Variants in KCNQ1 observed in about 807,000 individuals in gnomAD.
The protein encoded by KCNQ1 is potassium voltage-gated channel subfamily Q member 1, also known as potassium voltage-gated channel subfamily KQT member 1.
KCNQ1 carries 49 observed loss-of-function variants against 72.4 expected under a neutral mutation model. That is an observed-to-expected ratio of 0.68 (90% CI 0.54 to 0.86). KCNQ1 has a LOEUF of 0.86. Ranked by LOEUF, KCNQ1 falls within the 40% of genes least tolerant of loss-of-function variation. The probability of loss-of-function intolerance (pLI) is 0.00; values close to 1 mark genes in which losing one functional copy is unlikely to be tolerated. For missense variants in KCNQ1, 790 were observed against 945.1 expected (o/e 0.84, Z 2.15); for synonymous variants, 450 against 412.6 (o/e 1.09, Z -1.10).
chr11:2,542,799 T>C (rs1847849933), intron 2 of KCNQ1, among the ~76,000 whole-genome samples: 2 of 152,236 alleles, frequency 1.3e-5, no homozygotes, highest in Admixed American at 1.3e-4. Context: ...CTGAGCCGTA[T>C]CCCATTGTAC....
rs755571253 is a variant in KCNQ1 at position 2,603,837 on chromosome 11, C to T, written c.1393+14983C>T. On this transcript the variant is annotated intron_variant, in intron 10 of 15. Coordinates refer to ENST00000155840, the MANE Select transcript of KCNQ1 (RefSeq NM_000218.3). The surrounding 1 kb of genome is among the most constrained non-coding windows in gnomAD (Gnocchi z 4.1). The stretch of plus-strand genomic sequence containing the variant: ...TCCCAAGTAGGTGGGATTACGGGCA[C>T]GCACCACCAAGCCCGGCTAATTTTT... Among the ~76,000 whole-genome samples, 4 of 151,942 alleles carry T rather than the reference C, an allele frequency of 2.6e-5. No homozygotes were observed. Among genetic ancestry groups the T allele is most frequent in the Middle Eastern group, 3.2e-3 (1 of 316 alleles).
Position 2,828,010 on chromosome 11 carries a change from G to A in KCNQ1, c.1795-19757G>A, listed in dbSNP as rs1847874370. On this transcript the variant is annotated intron_variant, in intron 15 of 15. Transcript: ENST00000155840. The surrounding 1 kb of genome is among the most constrained non-coding windows in gnomAD (Gnocchi z 5.3). ...ATAGAGGTCTTGAAAGCTCGAATGT[G>A]GGGAGGCCAGCAACAGAGGGAACAC... Among the ~76,000 whole-genome samples the A allele has an allele frequency of 1.3e-5, 2 of 152,200 alleles. No homozygotes were observed. Among genetic ancestry groups the A allele is most frequent in the Non-Finnish European group, 2.9e-5 (2 of 68,034 alleles).
At position 2,669,474 on chromosome 11, in the gene KCNQ1, T is replaced by C. The variant is rs1850143390; in HGVS notation, c.1514+7393T>C. On this transcript the variant is annotated intron_variant, in intron 11 of 15. Transcript: ENST00000155840. This position sits in a 1 kb window ranked among gnomAD's most constrained non-coding sequence, Gnocchi z 5.6. ...CCTGTAGTTTTCAGTGTGGTGGTCATGAACAGCTTGTCAGATTCATTCCTT... is the reference window on the plus strand; with the variant it reads ...CCTGTAGTTTTCAGTGTGGTGGTCACGAACAGCTTGTCAGATTCATTCCTT... The C allele has an allele frequency of 7.5e-6, 3 of 398,548 alleles. No individual in the cohort carries two copies. The highest frequency in any genetic ancestry group is 1.3e-4 in the South Asian group (1 of 7,866). 24.7% of individuals were successfully genotyped at this position (398,548 alleles called of 1,614,324 possible). A position where few individuals can be genotyped will look rare whatever the true frequency, so the allele number is the denominator to read the frequency against.
intron 6 of KCNQ1, among the ~76,000 whole-genome samples, chr11:2,576,089 G>A (rs1848419369): frequency 6.6e-6 from 1 of 152,232 alleles, no homozygotes; most frequent in Non-Finnish European, 1.5e-5. Context: ...AGCTCATCTT[G>A]ATTGAATCTT....
rs1224556626 is a variant in KCNQ1 at position 2,803,388 on chromosome 11, G to GGT, written c.1794+25358_1794+25359dup. On this transcript the variant is annotated intron_variant, in intron 15 of 15. Coordinates refer to ENST00000155840, the MANE Select transcript of KCNQ1 (RefSeq NM_000218.3). The surrounding 1 kb of genome is among the most constrained non-coding windows in gnomAD (Gnocchi z 6.4). Reference sequence around the variant, plus strand: ...TTGGAGGATGTGGCAGAGTTCCCATGGTGTGTGTAGAATGATATTCCCTCC... The same window carrying GGT: ...TTGGAGGATGTGGCAGAGTTCCCATGGTGTGTGTGTAGAATGATATTCCCTCC... 6.6e-6 allele frequency among the ~76,000 whole-genome samples: 1 copy of GGT among 152,208 alleles called. No homozygotes were observed. The highest frequency in any genetic ancestry group is 2.4e-5 in the African/African-American group (1 of 41,470).
chr11:2,798,818 T>A (rs1048096265), intron 15 of KCNQ1, among the ~76,000 whole-genome samples: 1 of 152,196 alleles, frequency 6.6e-6, no homozygotes, highest in Non-Finnish European at 1.5e-5. Flanking sequence ...GGTCGCGTTG[T>A]TTGAACTCTC....
At chr11:2,747,785 G>A (rs1455168809) in intron 11 of KCNQ1, among the ~76,000 whole-genome samples, 2 of 152,114 alleles carry the variant, frequency 1.3e-5, no homozygotes, top group African/African-American at 2.4e-5. Flanking sequence ...ATGGGGGCAG[G>A]TTCCAGAGAT....
rs16928731 is a variant in KCNQ1, at chr11:2,838,035, G to A, written c.1795-9732G>A. Among the ~76,000 whole-genome samples, 65 of 152,382 alleles carry A rather than the reference G, an allele frequency of 4.3e-4. 1 individual carries two copies. In the South Asian group the frequency reaches 0.011, roughly 26 times the overall value. On this transcript the variant is annotated intron_variant, in intron 15 of 15. Transcript: ENST00000155840. ...TGTCTTAGAGAAAAATGGTGGCAACGTGGGACAGACTGAGGAAGCCAGCCC... is the reference window on the plus strand; with the variant it reads ...TGTCTTAGAGAAAAATGGTGGCAACATGGGACAGACTGAGGAAGCCAGCCC...
At chr11:2,514,766 C>G (rs1847262024) in intron 1 of KCNQ1, among the ~76,000 whole-genome samples, 2 of 152,208 alleles carry the variant, frequency 1.3e-5, no homozygotes, top group Non-Finnish European at 2.9e-5. Context: ...GCAGAGCTTG[C>G]AGTGAGCCGA....
rs1849884410 is a variant in KCNQ1 at position 2,658,110 on chromosome 11, C to A, written c.1394-3851C>A. 2 of 398,016 alleles carry A rather than the reference C, an allele frequency of 5.0e-6. No individual in the cohort carries two copies. The highest frequency in any genetic ancestry group is 2.1e-5 in the African/African-American group (1 of 48,490). The allele number at this position is 398,016 out of a possible 1,614,324, so 24.7% of individuals were successfully genotyped here. On this transcript the variant is annotated intron_variant, in intron 10 of 15. Coordinates refer to ENST00000155840, the MANE Select transcript of KCNQ1 (RefSeq NM_000218.3). The surrounding 1 kb of genome is among the most constrained non-coding windows in gnomAD (Gnocchi z 4.9). ...AACTCTACCTCCTGCAGGAGAGTAT[C>A]AAAAAAAATCTGCAAATATGTTAAA...
In KCNQ1 at chr11:2,449,424, G is replaced by A. The variant is rs185869512; in HGVS notation, c.386+3940G>A. ...GAGGGGCTTTGCGGGGACACTCCTG[G>A]GTACCGATGGGATGAACTTCCGCTG... On this transcript the variant is annotated intron_variant, in intron 1 of 15. Coordinates refer to ENST00000155840, the MANE Select transcript of KCNQ1 (RefSeq NM_000218.3). Among the ~76,000 whole-genome samples the A allele has an allele frequency of 5.0e-4, 76 of 152,342 alleles. 1 individual carries two copies. The highest frequency in any genetic ancestry group is 1.7e-3 in the African/African-American group (72 of 41,582).
Position 2,735,608 on chromosome 11 carries a change from G to T in KCNQ1, c.1515-33236G>T, listed in dbSNP as rs1205226263. ...ACTTGAGGAGCACTTGGAGGAGCTGGGGGATGACATGAGTCCACTCCGCTG... is the reference window on the plus strand; with the variant it reads ...ACTTGAGGAGCACTTGGAGGAGCTGTGGGATGACATGAGTCCACTCCGCTG... On this transcript the variant is annotated intron_variant, in intron 11 of 15. Transcript: ENST00000155840. This position sits in a 1 kb window ranked among gnomAD's most constrained non-coding sequence, Gnocchi z 7.7. Among the ~76,000 whole-genome samples, 1 of 152,072 alleles carries T rather than the reference G, an allele frequency of 6.6e-6. No homozygotes were observed. The highest frequency in any genetic ancestry group is 1.5e-5 in the Non-Finnish European group (1 of 68,028).
At chr11:2,719,733 AC>A (rs1851171680) in intron 11 of KCNQ1, among the ~76,000 whole-genome samples, 1 of 152,106 alleles carries the variant, frequency 6.6e-6, no homozygotes, top group African/African-American at 2.4e-5. Context: ...GGAAATTGGC[AC>A]CTGTGTTTCT....
At position 2,563,738 on chromosome 11, in the gene KCNQ1, G is replaced by A. The variant is rs1848207642; in HGVS notation, c.478-6890G>A. ...CAGCGTTCCGATGAAACAAGATTAGGGGAATTTTACAGCTTGCCTGTGTTT... is the reference window on the plus strand; with the variant it reads ...CAGCGTTCCGATGAAACAAGATTAGAGGAATTTTACAGCTTGCCTGTGTTT... On this transcript the variant is annotated intron_variant, in intron 2 of 15. Transcript: ENST00000155840. This position sits in a 1 kb window ranked among gnomAD's most constrained non-coding sequence, Gnocchi z 7.4. 6.6e-6 allele frequency among the ~76,000 whole-genome samples: 1 copy of A among 152,188 alleles called. No homozygotes were observed. Among genetic ancestry groups the A allele is most frequent in the African/African-American group, 2.4e-5 (1 of 41,450 alleles).
At chr11:2,558,135 A>G (rs1848098883) in intron 2 of KCNQ1, among the ~76,000 whole-genome samples, 1 of 152,240 alleles carries the variant, frequency 6.6e-6, no homozygotes. Context: ...GCGTTATGAG[A>G]CGTAGGCCCC....
At position 2,750,089 on chromosome 11, in the gene KCNQ1, A is replaced by C. The variant is rs1045143769; in HGVS notation, c.1515-18755A>C. On this transcript the variant is annotated intron_variant, in intron 11 of 15. Coordinates refer to ENST00000155840, the MANE Select transcript of KCNQ1 (RefSeq NM_000218.3). The surrounding 1 kb of genome is among the most constrained non-coding windows in gnomAD (Gnocchi z 6.3). ...AGGCCAGGAAGCGGAGCCTGGGTGCAGGGGCATCTTGCTGGTGAAGCTGGG... is the reference window on the plus strand; with the variant it reads ...AGGCCAGGAAGCGGAGCCTGGGTGCCGGGGCATCTTGCTGGTGAAGCTGGG... Among the ~76,000 whole-genome samples, 1 of 152,184 alleles carries C rather than the reference A, an allele frequency of 6.6e-6. No individual in the cohort carries two copies. The highest frequency in any genetic ancestry group is 2.1e-4 in the South Asian group (1 of 4,832).
chr11:2,738,888 G>T (rs1030662889), intron 11 of KCNQ1, among the ~76,000 whole-genome samples: 6 of 152,358 alleles, frequency 3.9e-5, no homozygotes, highest in Admixed American at 2.0e-4. Flanking sequence ...CTGCCCTGTT[G>T]TTGCGGGTGC....
chr11:2,527,802 G>T, intron 1 of KCNQ1, 126 bp from the exon 2 acceptor site: 9 of 790,308 alleles, frequency 1.1e-5, no homozygotes, highest in Non-Finnish European at 2.0e-5. Context: ...TGGATGACTG[G>T]GTTTTCGAAG....
In KCNQ1 at chr11:2,498,555, A is replaced by C. The variant is rs1338764728; in HGVS notation, c.387-29373A>C. 6.6e-6 allele frequency among the ~76,000 whole-genome samples: 1 copy of C among 152,194 alleles called. No individual in the cohort carries two copies. The highest frequency in any genetic ancestry group is 1.5e-5 in the Non-Finnish European group (1 of 68,026). On this transcript the variant is annotated intron_variant, in intron 1 of 15. Coordinates refer to ENST00000155840, the MANE Select transcript of KCNQ1 (RefSeq NM_000218.3). The surrounding 1 kb of genome is among the most constrained non-coding windows in gnomAD (Gnocchi z 4.8). ...TCCCGCCACCAAGCTTGAGCATCCC[A>C]GGTCAACTTCAGACTGCTGTGCTGG...
Sources: allele counts gnomAD v4.1 joint callset (sites outside exome capture counted in the v4.1 genomes callset), GRCh38; gene constraint gnomAD v4.1.1; non-coding constraint Gnocchi (gnomAD v3.1); transcripts MANE v1.5; gene names NCBI Gene and HGNC (gene_info 2026-07-23, HGNC 2026-07-21).